Variants in ZNF358 observed in about 807,000 individuals in gnomAD.
ZNF358 encodes the protein zinc finger protein 358.
In ZNF358, 1 loss-of-function variant was observed where a neutral mutation model predicts 2.1. The ratio of observed to expected loss-of-function variants is 0.49; its 90% CI spans 0.17 to 2.30. The LOEUF is 2.30. Ranked by LOEUF, ZNF358 falls within the 30% of genes most tolerant of loss-of-function variation. The probability of loss-of-function intolerance (pLI) is 0.26; values close to 1 mark genes in which losing one functional copy is unlikely to be tolerated. For synonymous variants in ZNF358, 381 were observed against 359.7 expected (o/e 1.06, Z -0.67); for missense variants, 665 against 806.8 (o/e 0.82, Z 2.13).
intron 1 of ZNF358, among the ~76,000 whole-genome samples, chr19:7,517,442 T>A (rs776592555): frequency 1.3e-5 from 2 of 152,124 alleles, no homozygotes; most frequent in Non-Finnish European, 2.9e-5. Flanking sequence ...ACAGGTATAC[T>A]GGCCGGGCAT....
rs546197651 is a variant in ZNF358, at chr19:7,520,994, T to C, written c.*45T>C. 76 of 1,587,008 alleles carry C rather than the reference T, an allele frequency of 4.8e-5. 2 individuals are homozygous for C. In the South Asian group the frequency reaches 8.1e-4, roughly 17 times the overall value. On this transcript the variant is annotated 3_prime_UTR_variant, in exon 2 of 2. Transcript: ENST00000597229. This position sits in a 1 kb window ranked among gnomAD's most constrained non-coding sequence, Gnocchi z 6.0. ...GGGGGCCTGGGGAAGTTGTGTGTTG[T>C]GCAGTCAGTAAAATCCTCCCACTGC... is the stretch of plus-strand genomic sequence containing the variant.
At chr19:7,518,598 A>AGCAAGAAAGAAT (rs1555740192) in intron 1 of ZNF358, among the ~76,000 whole-genome samples, 1 of 142,366 alleles carries the variant, frequency 7.0e-6, no homozygotes, top group Middle Eastern at 3.3e-3. Context: ...AAAGAAAGAA[A>AGCAAGAAAGAAT]GAATTGAAGT....
upstream of ZNF358, among the ~76,000 whole-genome samples, chr19:7,515,869 A>C (rs1407260339): frequency 6.6e-6 from 1 of 152,090 alleles, no homozygotes; most frequent in Non-Finnish European, 1.5e-5. Context: ...ATGGAGAGAA[A>C]GAGATAGGGC....
Position 7,516,477 on chromosome 19 carries a change from G to A in ZNF358, c.-39+228G>A, listed in dbSNP as rs895507416. Among the ~76,000 whole-genome samples the A allele has an allele frequency of 2.0e-5, 3 of 151,930 alleles. No individual in the cohort carries two copies. Among genetic ancestry groups the A allele is most frequent in the Non-Finnish European group, 4.4e-5 (3 of 67,920 alleles). ...CCCATCCCGCCGCTGGGGCCCGGGG[G>A]GAAAGGGCCAGGAGGTTGGGAGCCT... On this transcript the variant is annotated intron_variant, in intron 1 of 1. Coordinates refer to ENST00000597229, the MANE Select transcript of ZNF358 (RefSeq NM_018083.5). This position sits in a 1 kb window ranked among gnomAD's most constrained non-coding sequence, Gnocchi z 5.9.
At chr19:7,517,422 A>G (rs1385355394) in intron 1 of ZNF358, among the ~76,000 whole-genome samples, 1 of 152,138 alleles carries the variant, frequency 6.6e-6, no homozygotes, top group East Asian at 1.9e-4. Context: ...CCTTCTAGCC[A>G]ATAGGGAAAA....
chr19:7,519,524 C>T lies in ZNF358; in HGVS notation c.282C>T (p.Leu94=), dbSNP rs1204275701. Residue 94 remains leucine (L), a synonymous_variant, in exon 2 of 2, where the codon CTC becomes CTT. Transcript: ENST00000597229. The part of the protein sequence containing the change: ...DPDPMSSSFD[L]DPDVIGPVPL... ...ACCCCATGTCTTCGAGTTTCGACCT[C>T]GATCCAGATGTGATTGGCCCCGTAC... The T allele has an allele frequency of 1.2e-6, 2 of 1,610,178 alleles. No homozygotes were observed. The highest frequency in any genetic ancestry group is 1.3e-5 in the African/African-American group (1 of 74,984).
At position 7,520,960 on chromosome 19, in the gene ZNF358, G is replaced by A. The variant is rs1468162025; in HGVS notation, c.*11G>A. ...GGGCCTGATGGCTGAAGGAGACGCC[G>A]GCATCCTCGGGGGCCTGGGGAAGTT... On this transcript the variant is annotated 3_prime_UTR_variant, in exon 2 of 2. Coordinates refer to ENST00000597229, the MANE Select transcript of ZNF358 (RefSeq NM_018083.5). The surrounding 1 kb of genome is among the most constrained non-coding windows in gnomAD (Gnocchi z 6.0). 3.7e-6 allele frequency: 6 copies of A among 1,609,436 alleles called. No homozygotes were observed. The East Asian group carries it at 1.3e-4, about 36-fold the overall frequency.
At chr19:7,515,972 G>T (rs1363125614), upstream of ZNF358, 1 of 151,340 alleles carries the variant, frequency 6.6e-6, no homozygotes, top group African/African-American at 2.4e-5. Flanking sequence ...ACAAAGGCGC[G>T]GCCGCGCGGT....
In ZNF358 at chr19:7,520,694, C is replaced by T. The variant is rs746872690; in HGVS notation, c.1452C>T (p.Ser484=). Residue 484 remains serine, a synonymous_variant, in exon 2 of 2, where the codon TCC becomes TCT. Coordinates refer to ENST00000597229, the MANE Select transcript of ZNF358 (RefSeq NM_018083.5). This position sits in a 1 kb window ranked among gnomAD's most constrained non-coding sequence, Gnocchi z 6.0. ...CCAAACCCCTCCCCGGCTCCAGATC[C>T]ACCCCCAGCCCTACTCCTGTGGAAT... is the stretch of plus-strand genomic sequence containing the variant. ...PSSKPLPGSR[S]TPSPTPVESS... The T allele has an allele frequency of 2.1e-5, 34 of 1,613,692 alleles. No individual in the cohort carries two copies. In the South Asian group the frequency reaches 3.2e-4, roughly 15 times the overall value.
At chr19:7,517,076 C>G (rs1868535269) in intron 1 of ZNF358, among the ~76,000 whole-genome samples, 1 of 152,148 alleles carries the variant, frequency 6.6e-6, no homozygotes, top group South Asian at 2.1e-4. Context: ...CAGGTCCCCC[C>G]ACAGCTTCTC....
chr19:7,519,581 C>T lies in ZNF358; in HGVS notation c.339C>T (p.Leu113=). The part of the protein sequence containing the change: ...PLILDPNSDT[L]SPGDPKVDPI... ...TTCTCGATCCTAACAGCGACACCCT[C>T]AGCCCCGGCGATCCAAAAGTGGACC... is the stretch of plus-strand genomic sequence containing the variant. The change falls in exon 2 of 2, where the codon CTC becomes CTT. Residue 113 remains leucine (L), a synonymous_variant. Transcript: ENST00000597229. The T allele has an allele frequency of 3.1e-6, 5 of 1,600,454 alleles. No individual in the cohort carries two copies. Among genetic ancestry groups the T allele is most frequent in the Non-Finnish European group, 4.2e-6 (5 of 1,179,904 alleles).
Position 7,520,315 on chromosome 19 carries a change from A to G in ZNF358, c.1073A>G (p.Gln358Arg). 6.2e-7 allele frequency: 1 copy of G among 1,611,858 alleles called. No homozygotes were observed. Among genetic ancestry groups the G allele is most frequent in the Non-Finnish European group, 8.5e-7 (1 of 1,179,682 alleles). Residue 358 changes from glutamine (Q) to arginine (R), a missense_variant, in exon 2 of 2, where the codon CAG becomes CGG. Physicochemically the swap from Gln to Arg is conservative, Grantham distance 43. Coordinates refer to ENST00000597229, the MANE Select transcript of ZNF358 (RefSeq NM_018083.5). The surrounding 1 kb of genome is among the most constrained non-coding windows in gnomAD (Gnocchi z 6.0). ...ACPHCSKAFG[Q>R]SSALLQHLHV... is the part of the protein sequence containing the mutation. ...CCGCACTGCTCCAAGGCCTTCGGCCAGAGCTCAGCGCTGCTCCAGCACCTG... is the reference window on the plus strand; with the variant it reads ...CCGCACTGCTCCAAGGCCTTCGGCCGGAGCTCAGCGCTGCTCCAGCACCTG...
intron 1 of ZNF358, 135 bp from the exon 2 acceptor site, chr19:7,519,064 CAAAAAA>C (rs397859220): frequency 1.5e-3 from 841 of 576,502 alleles, no homozygotes; most frequent in South Asian, 2.6e-3. Flanking sequence ...GACCCCATCT[CAAAAAA>C]AAAAAAAAAA....
At position 7,520,560 on chromosome 19, in the gene ZNF358, C is replaced by T; in HGVS notation, c.1318C>T (p.Pro440Ser). The part of the protein sequence containing the change: ...MRPGQVSLLG[P>S]DAVSVLGSGL... ...GCCGGGGCAGGTCTCCCTCCTGGGT[C>T]CTGATGCTGTTTCTGTGCTCGGCTC... The change falls in exon 2 of 2, where the codon CCT becomes TCT. Residue 440 changes from proline (P) to serine (S), a missense_variant. Pro to Ser is a moderately conservative substitution (Grantham distance 74, BLOSUM62 -1). Around this residue, in one of 3 missense-constraint regions of ZNF358, gnomAD observed 249 missense variants for 227.6 expected, o/e 1.09. Transcript: ENST00000597229. This position sits in a 1 kb window ranked among gnomAD's most constrained non-coding sequence, Gnocchi z 6.0. 12 of 1,274,430 alleles carry T rather than the reference C, an allele frequency of 9.4e-6. No individual in the cohort carries two copies. Among genetic ancestry groups the T allele is most frequent in the Admixed American group, 2.0e-5 (1 of 50,680 alleles). 78.9% of individuals were successfully genotyped at this position (1,274,430 alleles called of 1,614,324 possible). A position where few individuals can be genotyped will look rare whatever the true frequency, so the allele number is the denominator to read the frequency against.
At chr19:7,518,598 A>AGAAATAAT (rs111382515) in intron 1 of ZNF358, among the ~76,000 whole-genome samples, 2 of 142,366 alleles carry the variant, frequency 1.4e-5, no homozygotes, top group Non-Finnish European at 3.0e-5. Flanking sequence ...AAAGAAAGAA[A>AGAAATAAT]GAATTGAAGT....
chr19:7,520,749 GGTCCCGACCTT>G lies in ZNF358; in HGVS notation c.1510_1520del (p.Pro504AlafsTer6). 6.2e-7 allele frequency: 1 copy of G among 1,614,078 alleles called. No individual in the cohort carries two copies. The highest frequency in any genetic ancestry group is 8.5e-7 in the Non-Finnish European group (1 of 1,180,020). ...TGACCCAAAGGCTGGGCACGACGCT[GGTCCCGACCTT>G]GTGCCCAGCCCAGACCTTGATCCTG... On this transcript the variant is annotated frameshift_variant, in exon 2 of 2. Transcript: ENST00000597229. LOFTEE classifies it low-confidence loss of function (END_TRUNC). The surrounding 1 kb of genome is among the most constrained non-coding windows in gnomAD (Gnocchi z 6.0).
rs1458535676 is a variant in ZNF358, at chr19:7,520,738, G to A, written c.1496G>A (p.Gly499Glu). The change falls in exon 2 of 2, where the codon GGG (glycine) becomes GAG (glutamate). Residue 499 changes from glycine to glutamate, a missense_variant. Coordinates refer to ENST00000597229, the MANE Select transcript of ZNF358 (RefSeq NM_018083.5). The surrounding 1 kb of genome is among the most constrained non-coding windows in gnomAD (Gnocchi z 6.0). ...GTGGAATCTTCTGACCCAAAGGCTG[G>A]GCACGACGCTGGTCCCGACCTTGTG... ...TPVESSDPKA[G>E]HDAGPDLVPS... The A allele has an allele frequency of 6.2e-7, 1 of 1,613,854 alleles. No individual in the cohort carries two copies. The highest frequency in any genetic ancestry group is 2.2e-5 in the East Asian group (1 of 44,844).
intron 1 of ZNF358, among the ~76,000 whole-genome samples, chr19:7,517,643 C>A (rs1347249011): frequency 2.0e-5 from 3 of 152,072 alleles, no homozygotes; most frequent in African/African-American, 7.2e-5. Flanking sequence ...CCCTACCCAT[C>A]CCTCCTCACC....
At position 7,520,040 on chromosome 19, in the gene ZNF358, G is replaced by C. The variant is rs1400964310; in HGVS notation, c.798G>C (p.Pro266=). 1.9e-6 allele frequency: 3 copies of C among 1,547,540 alleles called. No individual in the cohort carries two copies. The Admixed American group carries it at 5.8e-5, about 30-fold the overall frequency. The change falls in exon 2 of 2, where the codon CCG becomes CCC. Residue 266 remains proline, a synonymous_variant. Transcript: ENST00000597229. The surrounding 1 kb of genome is among the most constrained non-coding windows in gnomAD (Gnocchi z 6.0). ...GCGGCCCGCGGCCCCACAAGTGCCC[G>C]GTGTGCGCCAAGGGCTTCGGCCAGG... The part of the protein sequence containing the change: ...THGGPRPHKC[P]VCAKGFGQGS...
Sources: allele counts gnomAD v4.1 joint callset (sites outside exome capture counted in the v4.1 genomes callset), GRCh38; gene constraint gnomAD v4.1.1; regional missense constraint gnomAD v4.1.1; non-coding constraint Gnocchi (gnomAD v3.1); transcripts MANE v1.5; gene names NCBI Gene and HGNC (gene_info 2026-07-23, HGNC 2026-07-21).